Variants in GRIK4 observed in about 807,000 individuals in gnomAD.
GRIK4 encodes the protein glutamate receptor ionotropic, kainate 4.
A neutral mutation model predicts 104.9 loss-of-function variants in GRIK4; 40 were observed. That is an observed-to-expected ratio of 0.38 (90% CI 0.30 to 0.50). GRIK4 has a LOEUF of 0.50. GRIK4 is among the 20% of genes least tolerant of loss of function. The pLI is 0.93. For synonymous variants in GRIK4, 485 were observed against 524.9 expected (o/e 0.92, Z 1.04); for missense variants, 1,047 against 1,308.1 (o/e 0.80, Z 3.08).
intron 13 of GRIK4, among the ~76,000 whole-genome samples, chr11:120,926,993 G>A (rs946968180): frequency 2.0e-5 from 3 of 152,196 alleles, no homozygotes; most frequent in Non-Finnish European, 2.9e-5. Flanking sequence ...AGGTCAGAAC[G>A]GTGAGAAGCC....
At chr11:120,766,070 G>A (rs1327655963) in intron 3 of GRIK4, among the ~76,000 whole-genome samples, 1 of 152,184 alleles carries the variant, frequency 6.6e-6, no homozygotes, top group African/African-American at 2.4e-5. Flanking sequence ...CTTCCCCCAG[G>A]TGCTCTGTCC....
intron 3 of GRIK4, among the ~76,000 whole-genome samples, chr11:120,751,001 G>C (rs1334280454): frequency 6.6e-6 from 1 of 152,212 alleles, no homozygotes; most frequent in African/African-American, 2.4e-5. Context: ...TTTGCAACGT[G>C]AAAGTTAATT....
In GRIK4 at chr11:120,858,658, A is replaced by T. The variant is rs142503644; in HGVS notation, c.745-3301A>T. Among the ~76,000 whole-genome samples the T allele has an allele frequency of 4.6e-5, 7 of 152,306 alleles. No homozygotes were observed. In the East Asian group the frequency reaches 1.3e-3, roughly 29 times the overall value. ...TATCTGAGCATGGAACCTTGTCTTC[A>T]TGAAATTTCTGTTGGTGTCACCTGG... is the stretch of plus-strand genomic sequence containing the variant. On this transcript the variant is annotated intron_variant, in intron 8 of 20. Coordinates refer to ENST00000527524, the MANE Select transcript of GRIK4 (RefSeq NM_014619.5).
chr11:120,835,853 G>A (rs573204468), intron 7 of GRIK4, among the ~76,000 whole-genome samples: 1 of 152,228 alleles, frequency 6.6e-6, no homozygotes, highest in African/African-American at 2.4e-5. Context: ...TATTTATGAC[G>A]GGTACAAAGA....
intron 3 of GRIK4, among the ~76,000 whole-genome samples, chr11:120,772,789 T>TA (rs1204970241): frequency 3.3e-5 from 5 of 151,892 alleles, no homozygotes; most frequent in African/African-American, 9.7e-5. Flanking sequence ...GGATTGGCCT[T>TA]ACACAGGGGA....
At chr11:120,981,786 A>G (rs537360381) in intron 19 of GRIK4, among the ~76,000 whole-genome samples, 1 of 152,184 alleles carries the variant, frequency 6.6e-6, no homozygotes. Flanking sequence ...ATAAGCTGTC[A>G]AGAGTTTGCC....
Position 120,939,102 on chromosome 11 carries a change from G to A in GRIK4, c.1477-1245G>A, listed in dbSNP as rs1278066306. Among the ~76,000 whole-genome samples, 1 of 141,264 alleles carries A rather than the reference G, an allele frequency of 7.1e-6. No homozygotes were observed. The highest frequency in any genetic ancestry group is 1.6e-5 in the Non-Finnish European group (1 of 62,520). The allele number at this position is 141,264 out of a possible 152,430, so 92.7% of individuals were successfully genotyped here. ...TTAGTTGGTTGTTAGAGTAGAGGAT[G>A]CATTAGAACTGAGCACCAGTTCTGG... On this transcript the variant is annotated intron_variant, in intron 13 of 20. Coordinates refer to ENST00000527524, the MANE Select transcript of GRIK4 (RefSeq NM_014619.5). The surrounding 1 kb of genome is among the most constrained non-coding windows in gnomAD (Gnocchi z 5.6).
intron 3 of GRIK4, among the ~76,000 whole-genome samples, chr11:120,719,486 G>A (rs1293589127): frequency 6.6e-6 from 1 of 152,084 alleles, no homozygotes; most frequent in African/African-American, 2.4e-5. Context: ...GATTCTGAGT[G>A]CTCCTCTTCT....
chr11:120,543,939 C>T (rs1356123622), intron 1 of GRIK4, among the ~76,000 whole-genome samples: 1 of 152,186 alleles, frequency 6.6e-6, no homozygotes, highest in African/African-American at 2.4e-5. Flanking sequence ...AAATAGCTCA[C>T]AGAAGCAGAG....
chr11:120,762,005 T>C (rs1012466905), intron 3 of GRIK4, among the ~76,000 whole-genome samples: 1 of 152,206 alleles, frequency 6.6e-6, no homozygotes, highest in Non-Finnish European at 1.5e-5. Context: ...GGTGGCTTGA[T>C]GTTAATAGCA....
At chr11:120,785,016 C>T (rs895238176) in intron 3 of GRIK4, among the ~76,000 whole-genome samples, 4 of 152,110 alleles carry the variant, frequency 2.6e-5, no homozygotes, top group Non-Finnish European at 4.4e-5. Flanking sequence ...CCTTGCCTGG[C>T]ATCTTTGTCT....
intron 19 of GRIK4, among the ~76,000 whole-genome samples, chr11:120,968,382 T>A (rs182190238): frequency 6.6e-6 from 1 of 152,344 alleles, no homozygotes; most frequent in East Asian, 1.9e-4. Flanking sequence ...CTCCATCTAC[T>A]GCAGCCTTGT....
chr11:120,855,882 A>G (rs949706073), intron 8 of GRIK4, among the ~76,000 whole-genome samples: 1 of 152,238 alleles, frequency 6.6e-6, no homozygotes, highest in Non-Finnish European at 1.5e-5. Context: ...TTATTTAGCA[A>G]AACTTTTCCC....
chr11:120,549,098 G>A lies in GRIK4; in HGVS notation c.-159+37211G>A, dbSNP rs1441069129. On this transcript the variant is annotated intron_variant, in intron 1 of 20. Coordinates refer to ENST00000527524, the MANE Select transcript of GRIK4 (RefSeq NM_014619.5). This position sits in a 1 kb window ranked among gnomAD's most constrained non-coding sequence, Gnocchi z 4.7. ...GGCTCTGAAGGATGCCTGTTTCCTG[G>A]CTGTTTTTTTTTTTCACTGAGACAG... is the stretch of plus-strand genomic sequence containing the variant. Among the ~76,000 whole-genome samples, 1 of 151,592 alleles carries A rather than the reference G, an allele frequency of 6.6e-6. No individual in the cohort carries two copies. The highest frequency in any genetic ancestry group is 2.4e-5 in the African/African-American group (1 of 41,272).
intron 1 of GRIK4, among the ~76,000 whole-genome samples, chr11:120,595,662 C>A (rs369795377): frequency 3.9e-4 from 60 of 152,296 alleles, no homozygotes; most frequent in African/African-American, 1.4e-3. Context: ...TTTGCATATG[C>A]ATCTCAGTTT....
chr11:120,765,482 G>A (rs974355765), intron 3 of GRIK4, among the ~76,000 whole-genome samples: 10 of 152,038 alleles, frequency 6.6e-5, no homozygotes, highest in East Asian at 3.9e-4. Context: ...TTCATTCTCC[G>A]TCCGGTTTTG....
At chr11:120,700,990 A>G (rs1276249480) in intron 3 of GRIK4, among the ~76,000 whole-genome samples, 1 of 152,220 alleles carries the variant, frequency 6.6e-6, no homozygotes, top group African/African-American at 2.4e-5. Flanking sequence ...TATTCAGTAC[A>G]GTTACATGCT....
intron 3 of GRIK4, among the ~76,000 whole-genome samples, chr11:120,757,827 C>T (rs1951679035): frequency 1.3e-5 from 2 of 152,106 alleles, no homozygotes; most frequent in Admixed American, 6.5e-5. Context: ...TCACTCCGTT[C>T]CCACCCCGCA....
chr11:120,900,643 G>T (rs1942706497), intron 12 of GRIK4, among the ~76,000 whole-genome samples: 1 of 152,146 alleles, frequency 6.6e-6, no homozygotes. Context: ...TTGATACCCA[G>T]GGGTCAGGGT....
Sources: allele counts gnomAD v4.1 joint callset (sites outside exome capture counted in the v4.1 genomes callset), GRCh38; gene constraint gnomAD v4.1.1; non-coding constraint Gnocchi (gnomAD v3.1); transcripts MANE v1.5; gene names NCBI Gene and HGNC (gene_info 2026-07-23, HGNC 2026-07-21).